The following PCDHGA8 variants were observed in gnomAD, a reference collection of about 807,000 sequenced individuals.
The protein encoded by PCDHGA8 is protocadherin gamma subfamily A, 8.
Under a neutral mutation model 59.2 loss-of-function variants are expected in PCDHGA8, and 45 were observed. That is an observed-to-expected ratio of 0.76 (90% confidence interval 0.60 to 0.98). PCDHGA8 has a LOEUF of 0.98. Ranked by LOEUF, PCDHGA8 falls within the 50% of genes least tolerant of loss-of-function variation. The pLI, the probability that PCDHGA8 is intolerant of heterozygous loss-of-function variation, is 0.00. For synonymous variants in PCDHGA8, 531 were observed against 519.0 expected, an observed-to-expected ratio of 1.02 and a Z score of -0.32; for missense variants, 1,257 against 1,196.2, an observed-to-expected ratio of 1.05 and a Z score of -0.75.
rs748803155 is a variant in PCDHGA8, at chr5:141,490,087, G to C, written c.2425-4720G>C. ...CGGCCAACTAGACTATTCTTTTGGAGACCACACATCTGAGGCAGTGCGGAA... is the reference window on the plus strand; with the variant it reads ...CGGCCAACTAGACTATTCTTTTGGACACCACACATCTGAGGCAGTGCGGAA... On this transcript the variant is annotated intron_variant, in intron 1 of 3. Transcript: ENST00000398604. The surrounding 1 kb of genome is among the most constrained non-coding windows in gnomAD (Gnocchi z 5.4). 1.9e-6 allele frequency: 3 copies of C among 1,614,244 alleles called. No individual in the cohort carries two copies. Among genetic ancestry groups the C allele is most frequent in the Non-Finnish European group, 2.5e-6 (3 of 1,180,044 alleles).
Position 141,423,358 on chromosome 5 carries a change from G to A in PCDHGA8, c.2424+28121G>A, listed in dbSNP as rs202010010. The A allele has an allele frequency of 2.3e-4, 371 of 1,614,078 alleles. 1 individual carries two copies. The highest frequency in any genetic ancestry group is 2.8e-4 in the Non-Finnish European group (334 of 1,180,024). ...CTGCATCTTCCTGGTCTTTGTCATC[G>A]TGCTGCTGGCACTCAGGCTGTGGCG... On this transcript the variant is annotated intron_variant, in intron 1 of 3. Coordinates refer to ENST00000398604, the MANE Select transcript of PCDHGA8 (RefSeq NM_032088.2).
In PCDHGA8 at chr5:141,491,927, G is replaced by A. The variant is rs1314503730; in HGVS notation, c.2425-2880G>A. 3 of 1,309,982 alleles carry A rather than the reference G, an allele frequency of 2.3e-6. No individual in the cohort carries two copies. In the African/African-American group the frequency reaches 4.5e-5, roughly 20 times the overall value. 81.1% of individuals were successfully genotyped at this position (1,309,982 alleles called of 1,614,324 possible). A position where few individuals can be genotyped will look rare whatever the true frequency, so the allele number is the denominator to read the frequency against. On this transcript the variant is annotated intron_variant, in intron 1 of 3. Coordinates refer to ENST00000398604, the MANE Select transcript of PCDHGA8 (RefSeq NM_032088.2). The surrounding 1 kb of genome is among the most constrained non-coding windows in gnomAD (Gnocchi z 6.9). ...GTGGTGGCGACTGTGGGCGAGGGGAGGTGGGACCGACCCCCACCCCTACAC... is the reference window on the plus strand; with the variant it reads ...GTGGTGGCGACTGTGGGCGAGGGGAAGTGGGACCGACCCCCACCCCTACAC...
At position 141,393,442 on chromosome 5, in the gene PCDHGA8, T is replaced by G. The variant is rs932289283; in HGVS notation, c.629T>G (p.Leu210Arg). ...LDREEEAAHH[L>R]VLTASDGGKP... Reference sequence around the variant, plus strand: ...AGGGAGGAAGAGGCTGCTCACCACCTGGTCCTCACGGCCTCGGATGGCGGC... The same window carrying G: ...AGGGAGGAAGAGGCTGCTCACCACCGGGTCCTCACGGCCTCGGATGGCGGC... Residue 210 changes from leucine (L) to arginine (R), a missense_variant, in exon 1 of 4, where the codon CTG becomes CGG. Coordinates refer to ENST00000398604, the MANE Select transcript of PCDHGA8 (RefSeq NM_032088.2). 3 of 1,614,056 alleles carry G rather than the reference T, an allele frequency of 1.9e-6. No individual in the cohort carries two copies. Among genetic ancestry groups the G allele is most frequent in the Non-Finnish European group, 2.5e-6 (3 of 1,179,908 alleles).
intron 1 of PCDHGA8, among the ~76,000 whole-genome samples, chr5:141,452,585 G>A (rs1310395736): frequency 6.6e-6 from 1 of 151,984 alleles, no homozygotes; most frequent in Non-Finnish European, 1.5e-5. Context: ...TTCCATCTTT[G>A]TATTTTTATT....
chr5:141,479,188 A>G (rs2099489531), intron 1 of PCDHGA8: 1 of 152,606 alleles, frequency 6.6e-6, no homozygotes. Context: ...TAGAAAATTC[A>G]GAAAATACAG....
At chr5:141,425,447 A>G (rs549575207) in intron 1 of PCDHGA8, among the ~76,000 whole-genome samples, 5 of 152,318 alleles carry the variant, frequency 3.3e-5, no homozygotes, top group African/African-American at 1.2e-4. Flanking sequence ...AAAATAAAAC[A>G]CCATCACATT....
At chr5:141,470,815 G>A (rs891225908) in intron 1 of PCDHGA8, among the ~76,000 whole-genome samples, 1 of 151,980 alleles carries the variant, frequency 6.6e-6, no homozygotes, top group African/African-American at 2.4e-5. Flanking sequence ...AGCCTTCTGA[G>A]TAGTTAGGAC....
chr5:141,478,146 T>C (rs1457995929), intron 1 of PCDHGA8: 1 of 1,613,978 alleles, frequency 6.2e-7, no homozygotes, highest in Non-Finnish European at 8.5e-7. Context: ...CGAGCCGAGT[T>C]CCCCTCTGGC....
chr5:141,443,699 A>G (rs1433844997), intron 1 of PCDHGA8, among the ~76,000 whole-genome samples: 1 of 152,248 alleles, frequency 6.6e-6, no homozygotes, highest in African/African-American at 2.4e-5. Flanking sequence ...AAAATTATAG[A>G]ATAACATTTG....
At chr5:141,470,428 T>A (rs974038419) in intron 1 of PCDHGA8, among the ~76,000 whole-genome samples, 1 of 152,254 alleles carries the variant, frequency 6.6e-6, no homozygotes, top group Non-Finnish European at 1.5e-5. Flanking sequence ...TTTTTCCTTG[T>A]GTGCAATAAT....
chr5:141,485,986 G>T lies in PCDHGA8; in HGVS notation c.2425-8821G>T, dbSNP rs2099622467. The T allele has an allele frequency of 1.2e-6, 2 of 1,614,084 alleles. No homozygotes were observed. Among genetic ancestry groups the T allele is most frequent in the African/African-American group, 1.3e-5 (1 of 74,936 alleles). On this transcript the variant is annotated intron_variant, in intron 1 of 3. Transcript: ENST00000398604. This position sits in a 1 kb window ranked among gnomAD's most constrained non-coding sequence, Gnocchi z 5.7. ...AGCTCAATGCCTCAGACCCGGACCT[G>T]GGTCCCAGTGGTAACGTCACCTTTT...
At chr5:141,420,817 A>G (rs547074952) in intron 1 of PCDHGA8, among the ~76,000 whole-genome samples, 2 of 152,354 alleles carry the variant, frequency 1.3e-5, no homozygotes, top group South Asian at 2.1e-4. Flanking sequence ...AGCCCTTTTA[A>G]TAATTACTCC....
rs748462670 is a variant in PCDHGA8, at chr5:141,478,010, C to T, written c.2425-16797C>T. Reference sequence around the variant, plus strand: ...GCACACTGGTCAAATCAGTACTGCCCGTCCAGTCCAAGACACAGATTCACC... The same window carrying T: ...GCACACTGGTCAAATCAGTACTGCCTGTCCAGTCCAAGACACAGATTCACC... On this transcript the variant is annotated intron_variant, in intron 1 of 3. Coordinates refer to ENST00000398604, the MANE Select transcript of PCDHGA8 (RefSeq NM_032088.2). 9 of 1,614,008 alleles carry T rather than the reference C, an allele frequency of 5.6e-6. No homozygotes were observed. The highest frequency in any genetic ancestry group is 1.7e-5 in the Admixed American group (1 of 59,998).
chr5:141,454,990 T>C (rs548911982), intron 1 of PCDHGA8, among the ~76,000 whole-genome samples: 1 of 151,490 alleles, frequency 6.6e-6, no homozygotes, highest in African/African-American at 2.4e-5. Context: ...TAAAAAATAT[T>C]TTTAGTAGAG....
rs755757019 is a variant in PCDHGA8 at position 141,394,744 on chromosome 5, T to C, written c.1931T>C (p.Val644Ala). ...GATGCGCTCAAGCAGAGCCTCGTGG[T>C]GGCCGTCCAGGACCATGGCCAGCCC... ...DRDALKQSLV[V>A]AVQDHGQPPL... The change falls in exon 1 of 4, where the codon GTG (valine) becomes GCG (alanine). Residue 644 changes from valine (V) to alanine (A), a missense_variant. Coordinates refer to ENST00000398604, the MANE Select transcript of PCDHGA8 (RefSeq NM_032088.2). 6.2e-7 allele frequency: 1 copy of C among 1,613,408 alleles called. No individual in the cohort carries two copies. Among genetic ancestry groups the C allele is most frequent in the Non-Finnish European group, 8.5e-7 (1 of 1,179,974 alleles).
intron 1 of PCDHGA8, among the ~76,000 whole-genome samples, chr5:141,401,748 C>G (rs2094189969): frequency 6.6e-6 from 1 of 152,134 alleles, no homozygotes; most frequent in Non-Finnish European, 1.5e-5. Context: ...ATACAAAGCT[C>G]CCATTACATG....
chr5:141,415,786 A>ATT, intron 1 of PCDHGA8: 2 of 1,374,914 alleles, frequency 1.5e-6, no homozygotes, highest in Non-Finnish European at 1.9e-6. Flanking sequence ...TTCTGGTAAA[A>ATT]TTCACCTAGT....
At position 141,409,906 on chromosome 5, in the gene PCDHGA8, T is replaced by C. The variant is rs779572711; in HGVS notation, c.2424+14669T>C. Reference sequence around the variant, plus strand: ...CGCGGGTGCTGTACCCAGCTCTGGGTCCTGACGGCTCCGCGTTCTTCGATA... The same window carrying C: ...CGCGGGTGCTGTACCCAGCTCTGGGCCCTGACGGCTCCGCGTTCTTCGATA... On this transcript the variant is annotated intron_variant, in intron 1 of 3. Transcript: ENST00000398604. 6 of 1,613,214 alleles carry C rather than the reference T, an allele frequency of 3.7e-6. No homozygotes were observed. The South Asian group carries it at 6.6e-5, about 18-fold the overall frequency.
At chr5:141,426,013 T>C (rs2096909409) in intron 1 of PCDHGA8, among the ~76,000 whole-genome samples, 1 of 152,144 alleles carries the variant, frequency 6.6e-6, no homozygotes, top group Admixed American at 6.5e-5. Flanking sequence ...CCGGCTGCAG[T>C]TTTCTAAATA....
Sources: allele counts gnomAD v4.1 joint callset (sites outside exome capture counted in the v4.1 genomes callset), GRCh38; gene constraint gnomAD v4.1.1; non-coding constraint Gnocchi (gnomAD v3.1); transcripts MANE v1.5; gene names NCBI Gene and HGNC (gene_info 2026-07-23, HGNC 2026-07-21).